VPS35L: variants seen among roughly 807,000 people sequenced by gnomAD.
The protein encoded by VPS35L is VPS35 endosomal protein-sorting factor-like.
In VPS35L, 83 loss-of-function variants were observed where a neutral mutation model predicts 133.0. The observed-to-expected ratio is 0.62, with a 90% CI of 0.52 to 0.75. The LOEUF (loss-of-function observed/expected upper bound fraction) is 0.75, where lower values mean the gene tolerates loss of function less well. Ranked by LOEUF, VPS35L falls within the 30% of genes least tolerant of loss-of-function variation. The pLI, the probability that VPS35L is intolerant of heterozygous loss-of-function variation, is 0.00. For synonymous variants in VPS35L, 423 were observed against 449.9 expected, an observed-to-expected ratio of 0.94 and a Z score of 0.76; for missense variants, 1,083 against 1,206.8, an observed-to-expected ratio of 0.90 and a Z score of 1.52.
chr16:19,610,680 T>C (rs1197913782), intron 12 of VPS35L: 6 of 304,214 alleles, frequency 2.0e-5, no homozygotes, highest in African/African-American at 1.1e-4. Context: ...TTTTCAGAAG[T>C]AATTGTTTCT....
At chr16:19,591,684 A>G in intron 7 of VPS35L, 106 bp from the exon 8 acceptor site, 2 of 791,776 alleles carry the variant, frequency 2.5e-6, no homozygotes, top group South Asian at 3.3e-5. Flanking sequence ...GGCACATAGT[A>G]AGTATCTCAA....
intron 14 of VPS35L, among the ~76,000 whole-genome samples, chr16:19,625,044 T>C (rs763565007): frequency 1.4e-3 from 213 of 150,966 alleles, no homozygotes; most frequent in Non-Finnish European, 2.5e-3. Flanking sequence ...TTAAGATAGC[T>C]CCAAAGCCAT....
chr16:19,646,584 G>A (rs960185350), intron 23 of VPS35L, among the ~76,000 whole-genome samples: 3 of 151,858 alleles, frequency 2.0e-5, no homozygotes, highest in Non-Finnish European at 4.4e-5. Context: ...AGAATCGCTT[G>A]AACCCGGGAG....
intron 8 of VPS35L, among the ~76,000 whole-genome samples, chr16:19,594,487 T>C (rs898898268): frequency 6.6e-6 from 1 of 151,252 alleles, no homozygotes; most frequent in African/African-American, 2.4e-5. Flanking sequence ...CTACTAAAAA[T>C]ATAAAAATTA....
chr16:19,625,096 T>G (rs112896703), intron 14 of VPS35L, among the ~76,000 whole-genome samples: 3,354 of 152,034 alleles, frequency 0.022, 117 homozygotes, highest in African/African-American at 0.075. Context: ...ATCTGCTTCC[T>G]TTGGCGGAGG....
chr16:19,617,147 G>C, intron 14 of VPS35L: 1 of 557,048 alleles, frequency 1.8e-6, no homozygotes. Flanking sequence ...CTTGATTTTA[G>C]GAGTTTGAGA....
chr16:19,616,611 C>T (rs896507270), intron 13 of VPS35L, 75 bp from the exon 14 acceptor site: 4 of 1,549,890 alleles, frequency 2.6e-6, no homozygotes, highest in Admixed American at 3.5e-5. Context: ...TATGCACAGT[C>T]TGTGAGTTGT....
chr16:19,564,557 C>G (rs565808655), intron 1 of VPS35L, among the ~76,000 whole-genome samples: 1 of 152,244 alleles, frequency 6.6e-6, no homozygotes, highest in South Asian at 2.1e-4. Flanking sequence ...CGCCACCATA[C>G]CCACCGAATT....
chr16:19,627,369 C>G (rs1973300645), intron 15 of VPS35L, among the ~76,000 whole-genome samples: 2 of 151,950 alleles, frequency 1.3e-5, no homozygotes, highest in South Asian at 4.2e-4. Flanking sequence ...ACTTAATGTT[C>G]TGTCTCATTA....
intron 27 of VPS35L, among the ~76,000 whole-genome samples, chr16:19,678,541 G>A (rs1405410894): frequency 6.6e-6 from 1 of 150,688 alleles, no homozygotes; most frequent in Non-Finnish European, 1.5e-5. Context: ...GCAGTGGCAC[G>A]ATCTCGGCTC....
intron 14 of VPS35L, among the ~76,000 whole-genome samples, chr16:19,620,683 G>A (rs1047556242): frequency 6.6e-6 from 1 of 152,196 alleles, no homozygotes; most frequent in South Asian, 2.1e-4. Flanking sequence ...AGGCGTGGTG[G>A]CACATGCCTG....
rs150801332 is a variant in VPS35L, at chr16:19,627,782, T to C, written c.1360T>C (p.Cys454Arg). ...SMDFIGMIKECDESGFPKHLL... is the reference protein window; with the variant it reads ...SMDFIGMIKERDESGFPKHLL... ...GGATTTCATTGGCATGATTAAAGAGTGTGATGAATCTGGTTTCCCCAAGGT... is the reference window on the plus strand; with the variant it reads ...GGATTTCATTGGCATGATTAAAGAGCGTGATGAATCTGGTTTCCCCAAGGT... The change falls in exon 16 of 31, where the codon TGT (cysteine) becomes CGT (arginine). Residue 454 changes from cysteine (C) to arginine (R), a missense_variant. Coordinates refer to ENST00000417362, the MANE Select transcript of VPS35L (RefSeq NM_020314.7). 243 of 1,613,098 alleles carry C rather than the reference T, an allele frequency of 1.5e-4. 1 individual carries two copies. In the African/African-American group the frequency reaches 2.9e-3, roughly 19 times the overall value.
chr16:19,629,710 G>C (rs1383162514), intron 17 of VPS35L, 57 bp from the exon 18 acceptor site: 1 of 1,500,012 alleles, frequency 6.7e-7, no homozygotes, highest in South Asian at 1.1e-5. Context: ...CCTCCTGTTT[G>C]CTGTAATGCA....
At chr16:19,643,774 C>T (rs924094832) in intron 22 of VPS35L, among the ~76,000 whole-genome samples, 11 of 149,828 alleles carry the variant, frequency 7.3e-5, no homozygotes, top group Non-Finnish European at 1.5e-4. Flanking sequence ...GGTGAAACCC[C>T]GTCTCTACTT....
intron 28 of VPS35L, among the ~76,000 whole-genome samples, chr16:19,689,860 C>G (rs1439502040): frequency 6.6e-6 from 1 of 152,068 alleles, no homozygotes; most frequent in Non-Finnish European, 1.5e-5. Context: ...ACGTATCCCC[C>G]AAGGATAAGG....
chr16:19,691,551 C>A, intron 29 of VPS35L, 80 bp downstream of exon 29: 1 of 1,107,872 alleles, frequency 9.0e-7, no homozygotes, highest in Non-Finnish European at 1.4e-6. Flanking sequence ...TTGGTTCATT[C>A]TAGAAAGGAA....
intron 14 of VPS35L, among the ~76,000 whole-genome samples, chr16:19,623,889 G>A (rs544259182): frequency 3.5e-4 from 52 of 148,356 alleles, no homozygotes; most frequent in Non-Finnish European, 6.7e-4. Context: ...CTGCAGTCTC[G>A]ACCTCCCAGG....
intron 14 of VPS35L, among the ~76,000 whole-genome samples, chr16:19,620,338 TC>T (rs748709401): frequency 2.4e-4 from 36 of 152,290 alleles, no homozygotes; most frequent in Admixed American, 5.9e-4. Context: ...ATGCTCTTTT[TC>T]CCCCAAAAAG....
rs576374591 is a variant in VPS35L, at chr16:19,647,546, A to G, written c.1930-238A>G. On this transcript the variant is annotated intron_variant, in intron 23 of 30. Coordinates refer to ENST00000417362, the MANE Select transcript of VPS35L (RefSeq NM_020314.7). ...AATAACCACATTTATGTTCTGTGAA[A>G]AGGCCACAGCTGACAAACAATATCC... is the stretch of plus-strand genomic sequence containing the variant. 2.0e-5 allele frequency among the ~76,000 whole-genome samples: 3 copies of G among 152,316 alleles called. No individual in the cohort carries two copies. The South Asian group carries it at 6.2e-4, about 32-fold the overall frequency.
Sources: allele counts gnomAD v4.1 joint callset (sites outside exome capture counted in the v4.1 genomes callset), GRCh38; gene constraint gnomAD v4.1.1; transcripts MANE v1.5; gene names NCBI Gene and HGNC (gene_info 2026-07-23, HGNC 2026-07-21).